TENM4: variants seen among roughly 807,000 people sequenced by gnomAD.
The protein encoded by TENM4 is teneurin transmembrane protein 4.
Under a neutral mutation model 243.3 loss-of-function variants are expected in TENM4, and 82 were observed. The ratio of observed to expected loss-of-function variants is 0.34; its 90% CI spans 0.28 to 0.40. TENM4 has a LOEUF of 0.40. Among genes scored for constraint, TENM4 ranks in the 10% least tolerant of loss-of-function variants. TENM4 has a pLI of 1.00. For synonymous variants in TENM4, 1,412 were observed against 1,456.3 expected (o/e 0.97, Z 0.69); for missense variants, 3,138 against 3,673.3 (o/e 0.85, Z 3.77).
At chr11:79,439,922 GC>G (rs1363444966) in intron 1 of TENM4, among the ~76,000 whole-genome samples, 7 of 152,034 alleles carry the variant, frequency 4.6e-5, no homozygotes, top group Non-Finnish European at 8.8e-5. Context: ...CCGCGGCCGG[GC>G]GCCCGGTGAG....
rs539444209 is a variant in TENM4, at chr11:78,741,449, G to A, written c.2757-2879C>T. Among the ~76,000 whole-genome samples, 410 of 152,322 alleles carry A rather than the reference G, an allele frequency of 2.7e-3. 3 individuals are homozygous for A. The highest frequency in any genetic ancestry group is 9.3e-3 in the African/African-American group (387 of 41,560). Reference sequence around the variant, plus strand: ...CACAGAGGTGGGAAGAGACACACAGGAGGATGCCATTATGCGGTACTGCCA... The same window carrying A: ...CACAGAGGTGGGAAGAGACACACAGAAGGATGCCATTATGCGGTACTGCCA... On this transcript the variant is annotated intron_variant, in intron 19 of 33. Coordinates refer to ENST00000278550, the MANE Select transcript of TENM4 (RefSeq NM_001098816.3).
Position 78,805,388 on chromosome 11 carries a change from T to C in TENM4, c.2083A>G (p.Thr695Ala). ...TGGCCTGAACACTGGTCTAAGCATG[T>C]GGCCCTGGGGGTCTCGCAGTTGGTG... ...GGTNCETPRATCLDQCSGHGT... is the reference protein window; with the variant it reads ...GGTNCETPRAACLDQCSGHGT... The change falls in exon 15 of 34, where the codon ACA becomes GCA. Residue 695 changes from threonine to alanine, a missense_variant. Coordinates refer to ENST00000278550, the MANE Select transcript of TENM4 (RefSeq NM_001098816.3). 1 of 1,580,970 alleles carries C rather than the reference T, an allele frequency of 6.3e-7. No individual in the cohort carries two copies. Among genetic ancestry groups the C allele is most frequent in the South Asian group, 1.1e-5 (1 of 88,246 alleles).
At chr11:79,330,597 A>T (rs1357333362) in intron 1 of TENM4, among the ~76,000 whole-genome samples, 3 of 152,166 alleles carry the variant, frequency 2.0e-5, no homozygotes, top group Non-Finnish European at 4.4e-5. Context: ...CCACATTAAC[A>T]CCCTCCAAGG....
intron 1 of TENM4, among the ~76,000 whole-genome samples, chr11:79,304,888 T>G (rs1337868535): frequency 6.6e-6 from 1 of 152,230 alleles, no homozygotes; most frequent in Non-Finnish European, 1.5e-5. Flanking sequence ...ACAGATTTTC[T>G]TATTTACCTA....
At chr11:79,142,982 T>A (rs991874778) in intron 4 of TENM4, among the ~76,000 whole-genome samples, 1 of 152,024 alleles carries the variant, frequency 6.6e-6, no homozygotes, top group African/African-American at 2.4e-5. Context: ...TGAGATACCA[T>A]CTCACACCAG....
intron 2 of TENM4, among the ~76,000 whole-genome samples, chr11:79,223,027 A>T (rs922977349): frequency 6.6e-6 from 1 of 152,124 alleles, no homozygotes; most frequent in Non-Finnish European, 1.5e-5. Flanking sequence ...TAGCTAATGC[A>T]TGTGGGGATT....
intron 1 of TENM4, among the ~76,000 whole-genome samples, chr11:79,394,644 T>C (rs1858304055): frequency 6.6e-6 from 1 of 152,208 alleles, no homozygotes; most frequent in Non-Finnish European, 1.5e-5. Context: ...GAAATCCTAA[T>C]TTCTGGTACC....
In TENM4 at chr11:78,685,810, C is replaced by G. The variant is rs1858652207; in HGVS notation, c.5260+2244G>C. ...CTTGGTCAGGCAAGATCTTGGCTGC[C>G]TCAGAAATTGTACCTTCTCTTGGCA... On this transcript the variant is annotated intron_variant, in intron 29 of 33. Transcript: ENST00000278550. Among the ~76,000 whole-genome samples, 5 of 152,302 alleles carry G rather than the reference C, an allele frequency of 3.3e-5. No individual in the cohort carries two copies. The South Asian group carries it at 1.0e-3, about 32-fold the overall frequency.
At chr11:78,800,688 C>T (rs1229949752) in intron 15 of TENM4, among the ~76,000 whole-genome samples, 1 of 151,776 alleles carries the variant, frequency 6.6e-6, no homozygotes, top group Non-Finnish European at 1.5e-5. Context: ...GTATGTTTGT[C>T]CCTATGCTAG....
chr11:78,768,196 T>C (rs1856575873), intron 18 of TENM4, among the ~76,000 whole-genome samples: 1 of 152,230 alleles, frequency 6.6e-6, no homozygotes, highest in South Asian at 2.1e-4. Context: ...CACCTTCCCC[T>C]TGGCTCCCGC....
At chr11:79,345,616 T>C (rs1004801583) in intron 1 of TENM4, among the ~76,000 whole-genome samples, 1 of 152,246 alleles carries the variant, frequency 6.6e-6, no homozygotes, top group Non-Finnish European at 1.5e-5. Flanking sequence ...CTAGGGTTCA[T>C]ATTCTAGTTT....
At chr11:79,361,538 T>A (rs1052270184) in intron 1 of TENM4, among the ~76,000 whole-genome samples, 11 of 152,220 alleles carry the variant, frequency 7.2e-5, no homozygotes, top group Non-Finnish European at 1.2e-4. Flanking sequence ...TCTGGGGGCT[T>A]CAGCACTGCT....
At chr11:78,720,321 A>C (rs1859616062) in intron 25 of TENM4, 49 bp downstream of exon 25, 1 of 1,605,410 alleles carries the variant, frequency 6.2e-7, no homozygotes. Flanking sequence ...ACCATACAGC[A>C]TGCAACAAGG....
intron 12 of TENM4, among the ~76,000 whole-genome samples, chr11:78,849,355 A>G (rs1273336232): frequency 6.6e-6 from 1 of 152,228 alleles, no homozygotes; most frequent in Non-Finnish European, 1.5e-5. Flanking sequence ...ATTCCATATA[A>G]TACAAATGGA....
chr11:78,684,653 G>A (rs926985343), intron 29 of TENM4, among the ~76,000 whole-genome samples: 5 of 152,192 alleles, frequency 3.3e-5, no homozygotes, highest in Admixed American at 3.3e-4. Flanking sequence ...TATAGAGCCT[G>A]TTTGCCTGGG....
chr11:79,317,396 G>C (rs933817971), intron 1 of TENM4, among the ~76,000 whole-genome samples: 10 of 152,124 alleles, frequency 6.6e-5, no homozygotes, highest in African/African-American at 2.4e-4. Context: ...TGGGAAGGGG[G>C]GGTCAGGGCG....
intron 2 of TENM4, chr11:79,220,931 C>G (rs1864143840): frequency 6.6e-6 from 1 of 152,242 alleles, no homozygotes. Flanking sequence ...ATCCAATCTT[C>G]TGAAAACCAT....
At chr11:79,245,122 T>C (rs547073983) in intron 2 of TENM4, among the ~76,000 whole-genome samples, 9 of 152,300 alleles carry the variant, frequency 5.9e-5, no homozygotes, top group African/African-American at 1.9e-4. Flanking sequence ...CTGGACTGAA[T>C]CTTCTGAGCT....
At chr11:78,711,046 C>T (rs1240231209) in intron 26 of TENM4, among the ~76,000 whole-genome samples, 1 of 152,114 alleles carries the variant, frequency 6.6e-6, no homozygotes, top group African/African-American at 2.4e-5. Flanking sequence ...GGAGGAGGTC[C>T]CAGGGCCAGC....
Sources: gnomAD v4.1 joint callset for allele counts (sites outside exome capture counted in the v4.1 genomes callset) on GRCh38, gnomAD v4.1.1 for gene constraint, MANE v1.5 for transcripts, NCBI Gene and HGNC (gene_info 2026-07-23, HGNC 2026-07-21) for gene names.